COL1A1: variants seen among roughly 807,000 people sequenced by gnomAD.
COL1A1 encodes the protein collagen type I alpha 1 chain.
In COL1A1, 21 loss-of-function variants were observed where a neutral mutation model predicts 195.7. That is an observed-to-expected ratio of 0.11 (90% CI 0.08 to 0.15). The LOEUF (loss-of-function observed/expected upper bound fraction) is 0.15. COL1A1 is among the 10% of genes least tolerant of loss of function. The pLI, the probability that COL1A1 is intolerant of heterozygous loss-of-function variation, is 1.00. For missense variants in COL1A1, 1,365 were observed against 2,051.0 expected (o/e 0.67, Z 6.46); for synonymous variants, 749 against 747.3 (o/e 1.00, Z -0.04).
At chr17:50,191,720 C>T (rs2144559699) in intron 31 of COL1A1, 68 bp downstream of exon 31, 1 of 1,512,336 alleles carries the variant, frequency 6.6e-7, no homozygotes, top group Non-Finnish European at 9.0e-7. Context: ...CCCGCCATCC[C>T]CTGCTGCAGG....
rs1906395379 is a variant in COL1A1 at position 50,185,364 on chromosome 17, A to G, written c.*138T>C. 9.6e-7 allele frequency: 1 copy of G among 1,043,124 alleles called. No individual in the cohort carries two copies. The highest frequency in any genetic ancestry group is 1.6e-5 in the African/African-American group (1 of 62,612). The allele number at this position is 1,043,124 out of a possible 1,614,324, so 64.6% of individuals were successfully genotyped here. The stretch of plus-strand genomic sequence containing the variant: ...TTTGAGAGATGAATGCAAAGGAAAA[A>G]AATATTTTCCAAAGTCCATGTGAAA... On this transcript the variant is annotated 3_prime_UTR_variant, in exon 51 of 51. Coordinates refer to ENST00000225964, the MANE Select transcript of COL1A1 (RefSeq NM_000088.4).
chr17:50,187,731 A>T, intron 45 of COL1A1, 145 bp downstream of exon 45: 1 of 932,252 alleles, frequency 1.1e-6, no homozygotes, highest in Non-Finnish European at 1.7e-6. Flanking sequence ...CTCAGAAGCT[A>T]CTTGGACATG....
chr17:50,201,522 C>T lies in COL1A1; in HGVS notation c.-9G>A. The T allele has an allele frequency of 6.2e-7, 1 of 1,605,812 alleles. No homozygotes were observed. Among genetic ancestry groups the T allele is most frequent in the Non-Finnish European group, 8.5e-7 (1 of 1,176,074 alleles). On this transcript the variant is annotated 5_prime_UTR_variant, in exon 1 of 51. Transcript: ENST00000225964. Reference sequence around the variant, plus strand: ...TCCACAAAGCTGAACATGTCTAGACCCTAGACATGTAGACTCTTTGTGGCT... The same window carrying T: ...TCCACAAAGCTGAACATGTCTAGACTCTAGACATGTAGACTCTTTGTGGCT...
chr17:50,198,982 T>C (rs922426287), intron 5 of COL1A1, among the ~76,000 whole-genome samples: 1 of 152,134 alleles, frequency 6.6e-6, no homozygotes, highest in African/African-American at 2.4e-5. Context: ...CCTAAGTATT[T>C]AGGCGCAAAA....
intron 25 of COL1A1, 46 bp from the exon 26 acceptor site, chr17:50,193,093 C>A (rs1382876120): frequency 3.1e-6 from 5 of 1,596,604 alleles, no homozygotes; most frequent in Non-Finnish European, 3.4e-6. Flanking sequence ...AGTGAGAAGC[C>A]AGGGCCTCCT....
At position 50,194,441 on chromosome 17, in the gene COL1A1, C is replaced by T. The variant is rs752150906; in HGVS notation, c.1522G>A (p.Ala508Thr). Residue 508 changes from alanine (A) to threonine (T), a missense_variant, in exon 23 of 51, where the codon GCT (alanine) becomes ACT (threonine). Physicochemically the swap from Ala to Thr is moderately conservative, Grantham distance 58. Coordinates refer to ENST00000225964, the MANE Select transcript of COL1A1 (RefSeq NM_000088.4). The surrounding 1 kb of genome is among the most constrained non-coding windows in gnomAD (Gnocchi z 6.8). ...ADGVAGPKGP[A>T]GERGSPGPAG... ...GGGCCAGGAGAACCACGTTCACCAG[C>T]GGGACCCTGGTTGGGGGAAGTCACA... 1.2e-5 allele frequency: 20 copies of T among 1,613,890 alleles called. No individual in the cohort carries two copies. The highest frequency in any genetic ancestry group is 6.7e-5 in the East Asian group (3 of 44,868).
rs543160156 is a variant in COL1A1, at chr17:50,186,189, A to C, written c.4005+128T>G. The C allele has an allele frequency of 2.0e-5, 31 of 1,514,244 alleles. No homozygotes were observed. In the South Asian group the frequency reaches 3.3e-4, roughly 16 times the overall value. 93.8% of individuals were successfully genotyped at this position (1,514,244 alleles called of 1,614,324 possible). ...TGTCTGAACCACTATCAGGGACCTG[A>C]GACCCCTGCCTCCCAGCCCAGCTCT... is the stretch of plus-strand genomic sequence containing the variant. On this transcript the variant is annotated intron_variant, in intron 49 of 50. Transcript: ENST00000225964. This position sits in a 1 kb window ranked among gnomAD's most constrained non-coding sequence, Gnocchi z 5.3.
rs1321954107 is a variant in COL1A1 at position 50,189,058 on chromosome 17, C to A, written c.2938-48G>T. The A allele has an allele frequency of 1.3e-6, 2 of 1,576,580 alleles. No individual in the cohort carries two copies. Among genetic ancestry groups the A allele is most frequent in the Admixed American group, 3.3e-5 (2 of 59,842 alleles). On this transcript the variant is annotated intron_variant, in intron 40 of 50. Coordinates refer to ENST00000225964, the MANE Select transcript of COL1A1 (RefSeq NM_000088.4). The surrounding 1 kb of genome is among the most constrained non-coding windows in gnomAD (Gnocchi z 5.5). The stretch of plus-strand genomic sequence containing the variant: ...GCCAGAGATAGGGTCTGGGAGGACC[C>A]TTGAGTCCGCTGGAGTCATCTCTAC...
rs1275328356 is a variant in COL1A1, at chr17:50,197,755, G to A, written c.673C>T (p.Pro225Ser). 1.2e-6 allele frequency: 2 copies of A among 1,601,698 alleles called. No individual in the cohort carries two copies. Among genetic ancestry groups the A allele is most frequent in the African/African-American group, 1.4e-5 (1 of 73,664 alleles). ...GPMGPRGPPG[P>S]PGKNGDDGEA... ...ACATCATCTCCATTCTTTCCAGGGG[G>A]ACCTGGGGGACCTCGGGGACCCATG... Residue 225 changes from proline to serine, a missense_variant, in exon 9 of 51, where the codon CCC (proline) becomes TCC (serine). Physicochemically the swap from Pro to Ser is moderately conservative, Grantham distance 74. Transcript: ENST00000225964.
Position 50,195,455 on chromosome 17 carries a change from C to T in COL1A1, c.1179G>A (p.Gln393=). Residue 393 remains glutamine (Q), a synonymous_variant, in exon 18 of 51, where the codon CAG becomes CAA. Coordinates refer to ENST00000225964, the MANE Select transcript of COL1A1 (RefSeq NM_000088.4). The surrounding 1 kb of genome is among the most constrained non-coding windows in gnomAD (Gnocchi z 4.3). ...TTACATTGGCACCTTTAGCACCAGG[C>T]TGTCCATCAGCACCAGGGTTTCCCT... is the stretch of plus-strand genomic sequence containing the variant. ...GPAGNPGADG[Q]PGAKGANGAP... The T allele has an allele frequency of 6.2e-7, 1 of 1,614,138 alleles. No individual in the cohort carries two copies. Among genetic ancestry groups the T allele is most frequent in the South Asian group, 1.1e-5 (1 of 91,084 alleles).
chr17:50,194,482 T>G lies in COL1A1; in HGVS notation c.1516-35A>C. 1 of 1,613,546 alleles carries G rather than the reference T, an allele frequency of 6.2e-7. No homozygotes were observed. The highest frequency in any genetic ancestry group is 8.5e-7 in the Non-Finnish European group (1 of 1,179,562). ...GGAAGTCACAGGAACAGTTAGGGTC[T>G]CAAGTTTGTGGCTCTTTGCCACGGG... On this transcript the variant is annotated intron_variant, in intron 22 of 50. Transcript: ENST00000225964. This position sits in a 1 kb window ranked among gnomAD's most constrained non-coding sequence, Gnocchi z 6.8.
intron 46 of COL1A1, 90 bp downstream of exon 46, chr17:50,187,394 G>T: frequency 7.6e-7 from 1 of 1,320,210 alleles, no homozygotes; most frequent in Non-Finnish European, 1.1e-6. Context: ...CTTCTCCAGA[G>T]AGGCAAAGGG....
Position 50,187,129 on chromosome 17 carries a change from T to C in COL1A1, c.3424-7A>G. 1 of 1,592,874 alleles carries C rather than the reference T, an allele frequency of 6.3e-7. No individual in the cohort carries two copies. The highest frequency in any genetic ancestry group is 8.6e-7 in the Non-Finnish European group (1 of 1,168,334). On this transcript the variant is annotated splice_region_variant and splice_polypyrimidine_tract_variant and intron_variant, in intron 46 of 50. Coordinates refer to ENST00000225964, the MANE Select transcript of COL1A1 (RefSeq NM_000088.4). The stretch of plus-strand genomic sequence containing the variant: ...CAGCAGAGCCAGGGGGACCCTGGAG[T>C]GGGGGAAATGGTTTGAGAAAGGCTG...
rs1168512086 is a variant in COL1A1, at chr17:50,196,978, T to TG, written c.804+31dup. The TG allele has an allele frequency of 1.9e-6, 3 of 1,612,792 alleles. No individual in the cohort carries two copies. The African/African-American group carries it at 4.0e-5, about 22-fold the overall frequency. On this transcript the variant is annotated intron_variant, in intron 11 of 50. Transcript: ENST00000225964. ...ACTGGATGGGGGTATGCTAGGGACTTGGGGAGCTTAAATGACTCAAAGGTG... is the reference window on the plus strand; with the variant it reads ...ACTGGATGGGGGTATGCTAGGGACTTGGGGGAGCTTAAATGACTCAAAGGTG...
In COL1A1 at chr17:50,194,811, T is replaced by C. The variant is rs1211584683; in HGVS notation, c.1371A>G (p.Gln457=). 3 of 1,569,252 alleles carry C rather than the reference T, an allele frequency of 1.9e-6. No homozygotes were observed. Among genetic ancestry groups the C allele is most frequent in the Admixed American group, 3.7e-5 (2 of 53,644 alleles). ...AKGEPGPVGV[Q]GPPGPAGEEG... ...CCTCTCCAGCAGGGCCAGGGGGTCC[T>C]TGAACACCAACAGGGCCCTGGAGAG... is the stretch of plus-strand genomic sequence containing the variant. Residue 457 remains glutamine (Q), a synonymous_variant, in exon 21 of 51, where the codon CAA becomes CAG. Transcript: ENST00000225964. The surrounding 1 kb of genome is among the most constrained non-coding windows in gnomAD (Gnocchi z 6.8).
At position 50,186,703 on chromosome 17, in the gene COL1A1, T is replaced by C. The variant is rs756783195; in HGVS notation, c.3751A>G (p.Ser1251Gly). ...CAGGTGCGGGCGGGGTTCTTGCGGC[T>C]GCCCTCTGGGCTCCGGATGTTCTCG... ...QIENIRSPEGSRKNPARTCRD... is the reference protein window; with the variant it reads ...QIENIRSPEGGRKNPARTCRD... Residue 1251 changes from serine to glycine, a missense_variant, in exon 48 of 51, where the codon AGC becomes GGC. Ser to Gly is a moderately conservative substitution (Grantham distance 56). Around this residue, in one of 5 missense-constraint regions of COL1A1, gnomAD observed 273 missense variants for 338.6 expected, o/e 0.81. Transcript: ENST00000225964. The surrounding 1 kb of genome is among the most constrained non-coding windows in gnomAD (Gnocchi z 5.3). The C allele has an allele frequency of 3.1e-6, 5 of 1,613,552 alleles. No individual in the cohort carries two copies. The highest frequency in any genetic ancestry group is 4.2e-6 in the Non-Finnish European group (5 of 1,180,032).
At position 50,188,411 on chromosome 17, in the gene COL1A1, C is replaced by A; in HGVS notation, c.3207+119G>T. ...TTTGGATTAAGGCCCTGACATCTTG[C>A]AGGATCTCCTTTCCTCCCCCTGCCT... On this transcript the variant is annotated intron_variant, in intron 43 of 50. Transcript: ENST00000225964. The surrounding 1 kb of genome is among the most constrained non-coding windows in gnomAD (Gnocchi z 5.6). 4.6e-6 allele frequency: 5 copies of A among 1,082,386 alleles called. No individual in the cohort carries two copies. Among genetic ancestry groups the A allele is most frequent in the East Asian group, 2.4e-5 (1 of 42,300 alleles). The allele number at this position is 1,082,386 out of a possible 1,614,324, so 67.0% of individuals were successfully genotyped here. A position where few individuals can be genotyped will look rare whatever the true frequency, so the allele number is the denominator to read the frequency against.
At position 50,191,823 on chromosome 17, in the gene COL1A1, C is replaced by T. The variant is rs1270256412; in HGVS notation, c.2092G>A (p.Gly698Arg). Residue 698 changes from glycine (G) to arginine (R), a missense_variant, in exon 31 of 51, where the codon GGG becomes AGG. Gly to Arg is a moderately radical substitution (Grantham distance 125). Transcript: ENST00000225964. Reference protein sequence around the residue: ...QGPPGPAGPRGANGAPGNDGA... With the variant: ...QGPPGPAGPRRANGAPGNDGA... ...TCGTTGCCGGGAGCACCGTTGGCCC[C>T]TCGGGGACCAGCAGGACCAGGGGGA... 1 of 1,600,170 alleles carries T rather than the reference C, an allele frequency of 6.2e-7. No individual in the cohort carries two copies.
In COL1A1 at chr17:50,199,442, T is replaced by A. The variant is rs1907874908; in HGVS notation, c.345A>T (p.Gly115=). The A allele has an allele frequency of 6.2e-7, 1 of 1,614,060 alleles. No individual in the cohort carries two copies. The highest frequency in any genetic ancestry group is 8.5e-7 in the Non-Finnish European group (1 of 1,179,982). The stretch of plus-strand genomic sequence containing the variant: ...CCCTTGGGCCTCGGGGGCCAGTGTC[T>A]CCCTTGGGTCCCTGTGGGATTGGGG... The part of the protein sequence containing the change: ...QETTGVEGPK[G]DTGPRGPRGP... Residue 115 remains glycine (G), a synonymous_variant, in exon 4 of 51, where the codon GGA becomes GGT. Transcript: ENST00000225964.
Sources: allele counts gnomAD v4.1 joint callset (sites outside exome capture counted in the v4.1 genomes callset), GRCh38; gene constraint gnomAD v4.1.1; regional missense constraint gnomAD v4.1.1; non-coding constraint Gnocchi (gnomAD v3.1); transcripts MANE v1.5; gene names NCBI Gene and HGNC (gene_info 2026-07-23, HGNC 2026-07-21).